ST6GALNAC1: variants seen among roughly 807,000 people sequenced by gnomAD.
ST6GALNAC1 encodes alpha-N-acetylgalactosaminide alpha-2,6-sialyltransferase 1.
Under a neutral mutation model 56.8 loss-of-function variants are expected in ST6GALNAC1, and 45 were observed. The ratio of observed to expected loss-of-function variants is 0.79; its 90% CI spans 0.62 to 1.02. The LOEUF (loss-of-function observed/expected upper bound fraction) is 1.02. Among genes scored for constraint, ST6GALNAC1 ranks in the 50% least tolerant of loss-of-function variants. The pLI, the probability that ST6GALNAC1 is intolerant of heterozygous loss-of-function variation, is 0.00. For synonymous variants in ST6GALNAC1, 295 were observed against 297.8 expected, an observed-to-expected ratio of 0.99 and a Z score of 0.10; for missense variants, 743 against 754.8, an observed-to-expected ratio of 0.98 and a Z score of 0.18.
At chr17:76,619,832 C>T (rs1028779785), downstream of ST6GALNAC1, among the ~76,000 whole-genome samples, 5 of 148,488 alleles carry the variant, frequency 3.4e-5, no homozygotes, top group African/African-American at 1.2e-4. Context: ...CAACCTCTGC[C>T]TCTCAAGTTC....
chr17:76,629,261 C>T lies in ST6GALNAC1; in HGVS notation c.582G>A (p.Thr194=), dbSNP rs577487197. 11 of 1,614,040 alleles carry T rather than the reference C, an allele frequency of 6.8e-6. No individual in the cohort carries two copies. The highest frequency in any genetic ancestry group is 1.6e-4 in the Middle Eastern group (1 of 6,084). ...HQGKAATTAK[T]LIPKSQHRML... Reference sequence around the variant, plus strand: ...TTCTGTGCTGACTTTTGGGAATGAGCGTCTTGGCTGTGGTTGCCGCTTTGC... The same window carrying T: ...TTCTGTGCTGACTTTTGGGAATGAGTGTCTTGGCTGTGGTTGCCGCTTTGC... The change falls in exon 2 of 9, where the codon ACG becomes ACA. Residue 194 remains threonine (T), a synonymous_variant. Coordinates refer to ENST00000156626, the MANE Select transcript of ST6GALNAC1 (RefSeq NM_018414.5).
Position 76,625,194 on chromosome 17 carries a change from T to C in ST6GALNAC1, c.*136A>G. 1.1e-6 allele frequency: 1 copy of C among 887,324 alleles called. No individual in the cohort carries two copies. Among genetic ancestry groups the C allele is most frequent in the Non-Finnish European group, 1.7e-6 (1 of 592,124 alleles). The allele number at this position is 887,324 out of a possible 1,614,324, so 55.0% of individuals were successfully genotyped here. The stretch of plus-strand genomic sequence containing the variant: ...CATCTTGAGAGAGTCTTGTCCATGG[T>C]TCAAGTGTTCCCTTGGAACTCCTGA... On this transcript the variant is annotated 3_prime_UTR_variant, in exon 9 of 9. Coordinates refer to ENST00000156626, the MANE Select transcript of ST6GALNAC1 (RefSeq NM_018414.5).
rs1413183638 is a variant in ST6GALNAC1 at position 76,626,353 on chromosome 17, A to T, written c.1351T>A (p.Tyr451Asn). ...ATAAGCAGTGCTTCCAGCCACTCAT[A>T]GTCCCGGGTGCCTTCCAGGAAGTGC... Reference protein sequence around the residue: ...YLHFLEGTRDYEWLEALLMNQ... With the variant: ...YLHFLEGTRDNEWLEALLMNQ... Residue 451 changes from tyrosine to asparagine, a missense_variant, in exon 6 of 9, where the codon TAT (tyrosine) becomes AAT (asparagine). Transcript: ENST00000156626. The T allele has an allele frequency of 6.2e-7, 1 of 1,614,080 alleles. No homozygotes were observed. The highest frequency in any genetic ancestry group is 8.5e-7 in the Non-Finnish European group (1 of 1,180,040).
At chr17:76,634,283 C>T (rs923771477) in intron 1 of ST6GALNAC1, among the ~76,000 whole-genome samples, 1 of 152,180 alleles carries the variant, frequency 6.6e-6, no homozygotes, top group African/African-American at 2.4e-5. Context: ...GCTGGGTGAG[C>T]TTTCCTCTTC....
the ST6GALNAC1 span, among the ~76,000 whole-genome samples, chr17:76,617,770 CAAA>C: frequency 3.9e-5 from 4 of 101,350 alleles, no homozygotes; most frequent in Admixed American, 1.1e-4. Context: ...GACTCTGTCT[CAAA>C]AAAAAAAAAA....
intron 1 of ST6GALNAC1, among the ~76,000 whole-genome samples, chr17:76,632,546 C>T (rs2075918725): frequency 6.6e-6 from 1 of 152,132 alleles, no homozygotes; most frequent in Admixed American, 6.5e-5. Context: ...CAGGAAGTCA[C>T]AGCAATAATC....
intron 1 of ST6GALNAC1, 130 bp downstream of exon 1, chr17:76,643,378 C>T: frequency 1.0e-6 from 1 of 992,268 alleles, no homozygotes; most frequent in East Asian, 2.7e-5. Flanking sequence ...TTCTTGAGAA[C>T]ACTCCTGACC....
At chr17:76,643,412 C>A (rs1030887451) in intron 1 of ST6GALNAC1, 96 bp downstream of exon 1, 10 of 1,364,702 alleles carry the variant, frequency 7.3e-6, no homozygotes, top group Middle Eastern at 1.8e-4. Flanking sequence ...TGTGGACACA[C>A]AGGTGGCTCA....
At position 76,629,136 on chromosome 17, in the gene ST6GALNAC1, G is replaced by T. The variant is rs1190549214; in HGVS notation, c.707C>A (p.Pro236His). The T allele has an allele frequency of 6.2e-7, 1 of 1,613,820 alleles. No individual in the cohort carries two copies. Among genetic ancestry groups the T allele is most frequent in the South Asian group, 1.1e-5 (1 of 91,082 alleles). ...PKEKKPQATP[P>H]PAPFQSPTTQ... ...CGTGGGGCTCTGGAAAGGGGCAGGG[G>T]GTGGGGTGGCCTGAGGTTTCTTCTC... The change falls in exon 2 of 9, where the codon CCC becomes CAC. Residue 236 changes from proline to histidine, a missense_variant. Coordinates refer to ENST00000156626, the MANE Select transcript of ST6GALNAC1 (RefSeq NM_018414.5).
chr17:76,634,053 A>G (rs997493248), intron 1 of ST6GALNAC1, among the ~76,000 whole-genome samples: 3 of 152,228 alleles, frequency 2.0e-5, no homozygotes, highest in Non-Finnish European at 2.9e-5. Flanking sequence ...GGAGGATAAG[A>G]AAAGAGCTGA....
At chr17:76,636,682 G>A (rs374744476) in intron 1 of ST6GALNAC1, among the ~76,000 whole-genome samples, 1 of 107,048 alleles carries the variant, frequency 9.3e-6, no homozygotes, top group South Asian at 2.8e-4. Flanking sequence ...CCGCCGCCCC[G>A]TCTGGGAGGT....
downstream of ST6GALNAC1, among the ~76,000 whole-genome samples, chr17:76,623,052 G>A (rs1406421287): frequency 3.9e-5 from 6 of 152,134 alleles, no homozygotes; most frequent in Non-Finnish European, 7.3e-5. Flanking sequence ...CTCGGCCTCT[G>A]TCATTTCATT....
At chr17:76,632,725 C>A (rs183860979) in intron 1 of ST6GALNAC1, among the ~76,000 whole-genome samples, 1 of 152,104 alleles carries the variant, frequency 6.6e-6, no homozygotes, top group South Asian at 2.1e-4. Flanking sequence ...ATATTCAACG[C>A]GTTCGGCCCT....
intron 8 of ST6GALNAC1, 25 bp from the exon 9 acceptor site, chr17:76,625,552 A>T (rs569310023): frequency 6.2e-7 from 1 of 1,611,486 alleles, no homozygotes; most frequent in South Asian, 1.1e-5. Context: ...GAGGAGAAAC[A>T]CGGCCTGTAG....
rs1156942172 is a variant in ST6GALNAC1 at position 76,627,536 on chromosome 17, G to C, written c.879C>G (p.Leu293=). ...TGAGGTTGGGCAGAAAGAGTTTCTG[G>C]AGCCACAGCGACTTGGAGGCTTTGA... ...VKIKASKSLW[L]QKLFLPNLTL... Residue 293 remains leucine, a synonymous_variant, in exon 3 of 9, where the codon CTC becomes CTG. Coordinates refer to ENST00000156626, the MANE Select transcript of ST6GALNAC1 (RefSeq NM_018414.5). The surrounding 1 kb of genome is among the most constrained non-coding windows in gnomAD (Gnocchi z 4.4). 6.2e-7 allele frequency: 1 copy of C among 1,614,056 alleles called. No individual in the cohort carries two copies. The highest frequency in any genetic ancestry group is 2.2e-5 in the East Asian group (1 of 44,886).
chr17:76,632,977 G>A (rs1300304168), intron 1 of ST6GALNAC1, among the ~76,000 whole-genome samples: 8 of 152,162 alleles, frequency 5.3e-5, no homozygotes, highest in East Asian at 1.9e-4. Flanking sequence ...AGGCCGAGGC[G>A]GGCAGATCAC....
chr17:76,632,971 C>T lies in ST6GALNAC1; in HGVS notation c.132-3260G>A, dbSNP rs536996629. ...CTATAGAGCCAGCATTTTGGGAGGC[C>T]GAGGCGGGCAGATCACCTGAGGTCA... On this transcript the variant is annotated intron_variant, in intron 1 of 8. Coordinates refer to ENST00000156626, the MANE Select transcript of ST6GALNAC1 (RefSeq NM_018414.5). 1.6e-4 allele frequency among the ~76,000 whole-genome samples: 24 copies of T among 152,256 alleles called. No individual in the cohort carries two copies. The East Asian group carries it at 3.3e-3, about 21-fold the overall frequency.
intron 1 of ST6GALNAC1, among the ~76,000 whole-genome samples, chr17:76,635,853 A>G (rs1475413262): frequency 6.6e-6 from 1 of 152,214 alleles, no homozygotes; most frequent in Non-Finnish European, 1.5e-5. Context: ...AGAAACAGAC[A>G]TGAGTATAAG....
In ST6GALNAC1 at chr17:76,627,847, T is replaced by C. The variant is rs556766219; in HGVS notation, c.832-264A>G. Among the ~76,000 whole-genome samples, 55 of 152,060 alleles carry C rather than the reference T, an allele frequency of 3.6e-4. No individual in the cohort carries two copies. The East Asian group carries it at 3.9e-3, about 11-fold the overall frequency. Reference sequence around the variant, plus strand: ...GTGTGGTGGCTCACGCCTGTAATCCTAGCACTTTGGGAGGCCGAGGCGGGT... The same window carrying C: ...GTGTGGTGGCTCACGCCTGTAATCCCAGCACTTTGGGAGGCCGAGGCGGGT... On this transcript the variant is annotated intron_variant, in intron 2 of 8. Coordinates refer to ENST00000156626, the MANE Select transcript of ST6GALNAC1 (RefSeq NM_018414.5). The surrounding 1 kb of genome is among the most constrained non-coding windows in gnomAD (Gnocchi z 4.4).
Sources: gnomAD v4.1 joint callset for allele counts (sites outside exome capture counted in the v4.1 genomes callset) on GRCh38, gnomAD v4.1.1 for gene constraint, Gnocchi (gnomAD v3.1) non-coding constraint, MANE v1.5 for transcripts, NCBI Gene and HGNC (gene_info 2026-07-23, HGNC 2026-07-21) for gene names.